The following GRM7 variants were observed in gnomAD, a reference collection of about 807,000 sequenced individuals.
GRM7 encodes the protein metabotropic glutamate receptor 7.
Under a neutral mutation model 84.5 loss-of-function variants are expected in GRM7, and 35 were observed. That is an observed-to-expected ratio of 0.41 (90% CI 0.32 to 0.55). The LOEUF (loss-of-function observed/expected upper bound fraction) is 0.55, where lower values mean the gene tolerates loss of function less well. Among genes scored for constraint, GRM7 ranks in the 20% least tolerant of loss-of-function variants. The probability of loss-of-function intolerance (pLI) is 0.19; values close to 1 mark genes in which losing one functional copy is unlikely to be tolerated. For missense variants in GRM7, 1,003 were observed against 1,194.6 expected, an observed-to-expected ratio of 0.84 and a Z score of 2.36; for synonymous variants, 487 against 455.1, an observed-to-expected ratio of 1.07 and a Z score of -0.89.
Position 7,740,366 on chromosome 3 carries a change from CA to C in GRM7, c.2714del (p.Lys905ArgfsTer56). 1 of 1,585,370 alleles carries C rather than the reference CA, an allele frequency of 6.3e-7. No individual in the cohort carries two copies. Among genetic ancestry groups the C allele is most frequent in the Non-Finnish European group, 8.6e-7 (1 of 1,160,328 alleles). On this transcript the variant is annotated frameshift_variant, in exon 10 of 10. Transcript: ENST00000357716. LOFTEE classifies it high-confidence loss of function. ...CTAATTTTTCTTTCAGGCCCTGCTG[CA>C]AAAAAGAAGTATGTCAGTTATAATA... Reference protein sequence around the residue: ...CENVDPNSPAAKKKYVSYNNL... With the variant: ...CENVDPNSPAXKKKYVSYNNL...
At chr3:7,422,341 T>C (rs991844082) in intron 5 of GRM7, among the ~76,000 whole-genome samples, 2 of 152,208 alleles carry the variant, frequency 1.3e-5, no homozygotes, top group Non-Finnish European at 2.9e-5. Flanking sequence ...CCTTTTACAA[T>C]GACGGACATA....
intron 1 of GRM7, among the ~76,000 whole-genome samples, chr3:6,947,011 G>A (rs552790279): frequency 6.6e-6 from 1 of 152,286 alleles, no homozygotes; most frequent in Admixed American, 6.5e-5. Context: ...GGGAGAATTT[G>A]ACTTCTTCTT....
At chr3:7,555,379 T>C (rs1693708917) in intron 7 of GRM7, among the ~76,000 whole-genome samples, 1 of 152,174 alleles carries the variant, frequency 6.6e-6, no homozygotes. Context: ...GTTAACTGGC[T>C]CTATAGAATC....
chr3:7,700,680 G>T (rs1427174823), intron 9 of GRM7, among the ~76,000 whole-genome samples: 1 of 152,092 alleles, frequency 6.6e-6, no homozygotes, highest in Non-Finnish European at 1.5e-5. Context: ...GCCATTGTAT[G>T]GGGATAACAG....
chr3:7,469,966 G>A (rs904892841), intron 7 of GRM7, among the ~76,000 whole-genome samples: 24 of 152,138 alleles, frequency 1.6e-4, no homozygotes, highest in African/African-American at 5.5e-4. Flanking sequence ...ACATAAGAAT[G>A]TTTTTGACTT....
chr3:7,419,341 A>G (rs1469445709), intron 5 of GRM7, among the ~76,000 whole-genome samples: 1 of 152,234 alleles, frequency 6.6e-6, no homozygotes, highest in Non-Finnish European at 1.5e-5. Context: ...CAGAGTGTGT[A>G]TCCAAGGCCC....
intron 1 of GRM7, among the ~76,000 whole-genome samples, chr3:7,087,537 A>G: frequency 6.6e-6 from 1 of 152,272 alleles, no homozygotes; most frequent in East Asian, 1.9e-4. Context: ...AGCTGAAGGA[A>G]AAGAAAGACA....
At chr3:7,058,241 A>C (rs1697302357) in intron 1 of GRM7, among the ~76,000 whole-genome samples, 1 of 151,978 alleles carries the variant, frequency 6.6e-6, no homozygotes, top group Non-Finnish European at 1.5e-5. Flanking sequence ...AATTAGATAG[A>C]ATTCCCTCTC....
intron 4 of GRM7, among the ~76,000 whole-genome samples, chr3:7,406,426 G>C (rs931424872): frequency 6.6e-6 from 1 of 150,798 alleles, no homozygotes; most frequent in Non-Finnish European, 1.5e-5. Context: ...CGTGAACCCG[G>C]GGGACGGAGC....
At chr3:7,042,249 T>C (rs1696650955) in intron 1 of GRM7, among the ~76,000 whole-genome samples, 1 of 152,070 alleles carries the variant, frequency 6.6e-6, no homozygotes, top group South Asian at 2.1e-4. Context: ...AGCATAGGAA[T>C]TGAATTGGAG....
rs564920243 is a variant in GRM7 at position 6,950,323 on chromosome 3, C to G, written c.519+88416C>G. On this transcript the variant is annotated intron_variant, in intron 1 of 9. Coordinates refer to ENST00000357716, the MANE Select transcript of GRM7 (RefSeq NM_000844.4). ...TGTTGGAGTTTACTGGAGGTCCACTCCAGACCCTGTTTGCCTGGGTATCAG... is the reference window on the plus strand; with the variant it reads ...TGTTGGAGTTTACTGGAGGTCCACTGCAGACCCTGTTTGCCTGGGTATCAG... 3.3e-5 allele frequency among the ~76,000 whole-genome samples: 5 copies of G among 152,316 alleles called. No individual in the cohort carries two copies. In the East Asian group the frequency reaches 7.7e-4, roughly 24 times the overall value.
At chr3:7,245,923 C>T (rs1697740104) in intron 2 of GRM7, among the ~76,000 whole-genome samples, 2 of 151,886 alleles carry the variant, frequency 1.3e-5, no homozygotes, top group Admixed American at 1.3e-4. Context: ...ATTAATAAAA[C>T]ATTTAGTAGT....
At chr3:7,063,154 T>G (rs1367380395) in intron 1 of GRM7, among the ~76,000 whole-genome samples, 4 of 151,754 alleles carry the variant, frequency 2.6e-5, no homozygotes, top group Admixed American at 6.6e-5. Context: ...TACTCCCTGA[T>G]GCATGGGTAT....
chr3:6,973,982 T>A (rs1678484372), intron 1 of GRM7, among the ~76,000 whole-genome samples: 1 of 152,172 alleles, frequency 6.6e-6, no homozygotes, highest in South Asian at 2.1e-4. Context: ...AGAGACCAGT[T>A]ACCCAGCTCC....
chr3:6,957,505 G>A (rs1319844568), intron 1 of GRM7, among the ~76,000 whole-genome samples: 2 of 152,224 alleles, frequency 1.3e-5, no homozygotes, highest in African/African-American at 2.4e-5. Flanking sequence ...CCCATAGGCA[G>A]CACATCTTGC....
At chr3:7,360,862 T>C (rs563808778) in intron 4 of GRM7, among the ~76,000 whole-genome samples, 1 of 152,200 alleles carries the variant, frequency 6.6e-6, no homozygotes, top group East Asian at 1.9e-4. Flanking sequence ...CTTTCTTCCT[T>C]TATTCTCTTT....
At chr3:7,267,008 A>C (rs1252789691) in intron 2 of GRM7, among the ~76,000 whole-genome samples, 1 of 152,208 alleles carries the variant, frequency 6.6e-6, no homozygotes, top group East Asian at 1.9e-4. Flanking sequence ...TTTTCCTTAC[A>C]AAGTAAAGAT....
chr3:7,258,913 T>C (rs1698305984), intron 2 of GRM7, among the ~76,000 whole-genome samples: 1 of 152,202 alleles, frequency 6.6e-6, no homozygotes, highest in Non-Finnish European at 1.5e-5. Context: ...CAATCCAAGA[T>C]GAGCGTGGAA....
chr3:7,595,799 A>G (rs1341617194), intron 8 of GRM7, among the ~76,000 whole-genome samples: 1 of 151,906 alleles, frequency 6.6e-6, no homozygotes, highest in African/African-American at 2.4e-5. Context: ...AGTAAGGAGG[A>G]CCCTGTGTCT....
Sources: allele counts gnomAD v4.1 joint callset (sites outside exome capture counted in the v4.1 genomes callset), GRCh38; gene constraint gnomAD v4.1.1; transcripts MANE v1.5; gene names NCBI Gene and HGNC (gene_info 2026-07-23, HGNC 2026-07-21).